The following UNC13C variants were observed in gnomAD, a reference collection of about 807,000 sequenced individuals.
UNC13C encodes unc-13 homolog C.
UNC13C carries 174 observed loss-of-function variants against 245.4 expected under a neutral mutation model. That is an observed-to-expected ratio of 0.71 (90% CI 0.63 to 0.80). The LOEUF is 0.80. UNC13C is among the 30% of genes least tolerant of loss of function. The probability of loss-of-function intolerance (pLI) is 0.00; values close to 1 mark genes in which losing one functional copy is unlikely to be tolerated. For missense variants in UNC13C, 2,829 were observed against 2,602.9 expected (o/e 1.09, Z -1.89); for synonymous variants, 992 against 895.1 (o/e 1.11, Z -1.93).
chr15:54,463,681 T>C (rs1243089934), intron 19 of UNC13C, among the ~76,000 whole-genome samples: 1 of 152,060 alleles, frequency 6.6e-6, no homozygotes, highest in East Asian at 1.9e-4. Context: ...GGGCACACCA[T>C]CTTTAAGAAC....
At chr15:54,392,290 T>C (rs950853229) in intron 17 of UNC13C, among the ~76,000 whole-genome samples, 3 of 152,062 alleles carry the variant, frequency 2.0e-5, no homozygotes, top group Non-Finnish European at 4.4e-5. Flanking sequence ...AAGATTGATA[T>C]TGTACTCTGT....
the UNC13C span, among the ~76,000 whole-genome samples, chr15:53,881,232 A>G: frequency 6.6e-6 from 1 of 152,234 alleles, no homozygotes; most frequent in African/African-American, 2.4e-5. Flanking sequence ...GGTTTTATTC[A>G]GAGCCTCAGG....
the UNC13C span, among the ~76,000 whole-genome samples, chr15:53,967,358 C>T: frequency 4.7e-5 from 7 of 148,730 alleles, no homozygotes; most frequent in South Asian, 4.3e-4. Flanking sequence ...TGTTTTTTTT[C>T]GAATCGTCAT....
intron 18 of UNC13C, among the ~76,000 whole-genome samples, chr15:54,406,006 GAA>G (rs2040285304): frequency 6.6e-6 from 1 of 151,768 alleles, no homozygotes; most frequent in African/African-American, 2.4e-5. Flanking sequence ...GGGGGGGAAA[GAA>G]TATCTTATCC....
chr15:54,127,722 T>C lies in UNC13C; in HGVS notation c.2984-15296T>C, dbSNP rs187716147. Among the ~76,000 whole-genome samples the C allele has an allele frequency of 4.8e-4, 67 of 140,606 alleles. No homozygotes were observed. The East Asian group carries it at 0.012, about 26-fold the overall frequency. 92.2% of individuals were successfully genotyped at this position (140,606 alleles called of 152,430 possible). On this transcript the variant is annotated intron_variant, in intron 2 of 32. Transcript: ENST00000260323. ...AAGTGTGTGTGTGTGTATATATATATATAAAATATATATTAAATATATATT... is the reference window on the plus strand; with the variant it reads ...AAGTGTGTGTGTGTGTATATATATACATAAAATATATATTAAATATATATT...
chr15:54,607,819 C>T (rs931044689), intron 30 of UNC13C, among the ~76,000 whole-genome samples: 2 of 152,114 alleles, frequency 1.3e-5, no homozygotes, highest in Non-Finnish European at 2.9e-5. Flanking sequence ...ACAAGAAAGG[C>T]AAGGGGGAAA....
intron 19 of UNC13C, among the ~76,000 whole-genome samples, chr15:54,423,252 C>T (rs2040690332): frequency 6.6e-6 from 1 of 151,620 alleles, no homozygotes. Context: ...TAAAAATAAG[C>T]TTCATAGAGT....
intron 18 of UNC13C, among the ~76,000 whole-genome samples, chr15:54,408,363 A>G (rs1472044491): frequency 1.3e-5 from 2 of 152,042 alleles, no homozygotes; most frequent in Non-Finnish European, 2.9e-5. Context: ...TCTCCTCTAA[A>G]TATCAAACAA....
intron 14 of UNC13C, among the ~76,000 whole-genome samples, chr15:54,323,745 C>T (rs1419807122): frequency 6.6e-6 from 1 of 152,056 alleles, no homozygotes; most frequent in Non-Finnish European, 1.5e-5. Context: ...ATAAAAACCT[C>T]ATCTTAGTAA....
chr15:54,026,933 C>T (rs542762847), intron 2 of UNC13C, among the ~76,000 whole-genome samples: 9 of 152,202 alleles, frequency 5.9e-5, no homozygotes, highest in Middle Eastern at 3.4e-3. Flanking sequence ...AAAAATTACA[C>T]AAATATATTG....
At chr15:54,096,889 TAAC>T (rs1899897343) in intron 2 of UNC13C, among the ~76,000 whole-genome samples, 1 of 152,184 alleles carries the variant, frequency 6.6e-6, no homozygotes. Context: ...ATGATAAAAA[TAAC>T]AATTATAGCT....
chr15:54,420,109 G>C (rs1170367800), intron 19 of UNC13C, among the ~76,000 whole-genome samples: 1 of 152,070 alleles, frequency 6.6e-6, no homozygotes, highest in Non-Finnish European at 1.5e-5. Flanking sequence ...GAAACTCTCA[G>C]CTTGGATACC....
intron 2 of UNC13C, among the ~76,000 whole-genome samples, chr15:54,098,662 A>G (rs1900008528): frequency 6.6e-6 from 1 of 152,358 alleles, no homozygotes; most frequent in East Asian, 1.9e-4. Context: ...CTGTATCATA[A>G]TAAATTACAT....
intron 30 of UNC13C, among the ~76,000 whole-genome samples, chr15:54,568,521 T>A (rs1162665982): frequency 6.6e-6 from 1 of 152,146 alleles, no homozygotes; most frequent in Non-Finnish European, 1.5e-5. Flanking sequence ...TTCCACCTCA[T>A]AAGCTTCTAG....
intron 16 of UNC13C, among the ~76,000 whole-genome samples, chr15:54,337,562 C>G (rs1236133636): frequency 6.6e-6 from 1 of 152,102 alleles, no homozygotes; most frequent in Non-Finnish European, 1.5e-5. Context: ...TCAGAAAATC[C>G]TGTTAGCTCT....
intron 19 of UNC13C, among the ~76,000 whole-genome samples, chr15:54,427,607 A>G (rs1318089494): frequency 6.6e-6 from 1 of 151,850 alleles, no homozygotes; most frequent in African/African-American, 2.4e-5. Flanking sequence ...TTATGTATAC[A>G]CTTACATATT....
At chr15:54,052,403 C>A (rs1897310841) in intron 2 of UNC13C, among the ~76,000 whole-genome samples, 1 of 150,262 alleles carries the variant, frequency 6.7e-6, no homozygotes, top group Non-Finnish European at 1.5e-5. Flanking sequence ...TCCTATTTCT[C>A]CACATCCTCT....
chr15:54,355,557 C>T (rs2039076655), intron 17 of UNC13C, among the ~76,000 whole-genome samples: 1 of 152,018 alleles, frequency 6.6e-6, no homozygotes, highest in Admixed American at 6.6e-5. Flanking sequence ...GGGGTTTCAC[C>T]ATGTTGGCCA....
the UNC13C span, among the ~76,000 whole-genome samples, chr15:53,936,050 G>A: frequency 0.99 from 150,260 of 152,284 alleles, 74,164 homozygotes; most frequent in Middle Eastern, 1. Context: ...CCCCACTCCC[G>A]TGGCACCTCA....
Sources: gnomAD v4.1 joint callset for allele counts (sites outside exome capture counted in the v4.1 genomes callset) on GRCh38, gnomAD v4.1.1 for gene constraint, MANE v1.5 for transcripts, NCBI Gene and HGNC (gene_info 2026-07-23, HGNC 2026-07-21) for gene names.